Variants in ERC2 observed in about 807,000 individuals in gnomAD.
ERC2 encodes ERC protein 2.
A neutral mutation model predicts 114.8 loss-of-function variants in ERC2; 42 were observed. The observed-to-expected ratio is 0.37, with a 90% confidence interval of 0.29 to 0.47. The LOEUF is 0.47. ERC2 is among the 20% of genes least tolerant of loss of function. ERC2 has a pLI of 0.99. For synonymous variants in ERC2, 454 were observed against 425.5 expected, an observed-to-expected ratio of 1.07 and a Z score of -0.82; for missense variants, 939 against 1,150.7, an observed-to-expected ratio of 0.82 and a Z score of 2.66.
chr3:55,681,719 T>C (rs1347360341), intron 17 of ERC2, among the ~76,000 whole-genome samples: 1 of 152,226 alleles, frequency 6.6e-6, no homozygotes, highest in Non-Finnish European at 1.5e-5. Flanking sequence ...TAAAAACATT[T>C]ATTTTCTGGT....
chr3:55,883,927 A>ACACCACCAC (rs1553717308), intron 14 of ERC2, among the ~76,000 whole-genome samples: 1 of 144,666 alleles, frequency 6.9e-6, no homozygotes, highest in African/African-American at 2.7e-5. Context: ...AACAACAACA[A>ACACCACCAC]CACCACAAAA....
At chr3:56,211,766 G>A (rs780444406) in intron 3 of ERC2, among the ~76,000 whole-genome samples, 1 of 152,132 alleles carries the variant, frequency 6.6e-6, no homozygotes, top group Non-Finnish European at 1.5e-5. Flanking sequence ...ATAGACCAAT[G>A]GAACAGAATA....
chr3:55,917,562 C>T (rs963112021), intron 13 of ERC2, among the ~76,000 whole-genome samples: 2 of 151,894 alleles, frequency 1.3e-5, no homozygotes, highest in Admixed American at 1.3e-4. Context: ...TATATAATTC[C>T]ATTTATATGA....
At chr3:55,969,221 A>T (rs1436896746) in intron 12 of ERC2, among the ~76,000 whole-genome samples, 1 of 152,156 alleles carries the variant, frequency 6.6e-6, no homozygotes, top group East Asian at 1.9e-4. Flanking sequence ...AAATGGACTT[A>T]ATTCATTTTT....
At chr3:56,336,207 G>C (rs750605902) in intron 2 of ERC2, among the ~76,000 whole-genome samples, 2 of 152,122 alleles carry the variant, frequency 1.3e-5, no homozygotes, top group African/African-American at 4.8e-5. Context: ...GTGTGGCCCC[G>C]GGCAAGTTAC....
chr3:56,336,892 A>G (rs1047183597), intron 2 of ERC2, among the ~76,000 whole-genome samples: 2 of 152,212 alleles, frequency 1.3e-5, no homozygotes, highest in African/African-American at 4.8e-5. Context: ...TAAGAGTTCA[A>G]CTTTATCACT....
chr3:55,589,109 T>C (rs2057739371), intron 17 of ERC2, among the ~76,000 whole-genome samples: 1 of 150,554 alleles, frequency 6.6e-6, no homozygotes, highest in Non-Finnish European at 1.5e-5. Flanking sequence ...CTGGATGCAG[T>C]GGCTCACACC....
intron 2 of ERC2, among the ~76,000 whole-genome samples, chr3:56,340,373 G>A (rs889037800): frequency 6.6e-6 from 1 of 152,160 alleles, no homozygotes; most frequent in African/African-American, 2.4e-5. Flanking sequence ...TCCCACCAGT[G>A]ATAAAGCACT....
chr3:56,258,303 G>A (rs1396311705), intron 3 of ERC2, among the ~76,000 whole-genome samples: 1 of 152,174 alleles, frequency 6.6e-6, no homozygotes, highest in African/African-American at 2.4e-5. Flanking sequence ...CAGCTCTCTT[G>A]CTATAGCCTG....
intron 4 of ERC2, among the ~76,000 whole-genome samples, chr3:56,161,806 T>A (rs1489333062): frequency 1.3e-5 from 2 of 152,198 alleles, no homozygotes; most frequent in Non-Finnish European, 2.9e-5. Flanking sequence ...TAGGGTTTTC[T>A]AGGTATAGAA....
intron 14 of ERC2, among the ~76,000 whole-genome samples, chr3:55,874,293 T>A (rs1164952431): frequency 6.6e-6 from 1 of 152,098 alleles, no homozygotes; most frequent in African/African-American, 2.4e-5. Flanking sequence ...CGGGGAGGCT[T>A]TTCTTTGTAC....
At chr3:56,002,342 T>C (rs990453917) in intron 10 of ERC2, among the ~76,000 whole-genome samples, 1 of 152,180 alleles carries the variant, frequency 6.6e-6, no homozygotes. Flanking sequence ...TGATAAACTC[T>C]AGCCATCTTT....
At chr3:55,932,531 A>T (rs541901795) in intron 13 of ERC2, among the ~76,000 whole-genome samples, 1 of 152,238 alleles carries the variant, frequency 6.6e-6, no homozygotes, top group Admixed American at 6.5e-5. Flanking sequence ...CTTTACCTGA[A>T]ATGCACTGCC....
intron 13 of ERC2, among the ~76,000 whole-genome samples, chr3:55,893,450 A>G (rs576477236): frequency 6.6e-6 from 1 of 152,222 alleles, no homozygotes; most frequent in Non-Finnish European, 1.5e-5. Flanking sequence ...CCTCTTTCAC[A>G]TGTACCTAAC....
At chr3:55,812,167 A>C (rs2059743381) in intron 14 of ERC2, among the ~76,000 whole-genome samples, 1 of 152,208 alleles carries the variant, frequency 6.6e-6, no homozygotes, top group Non-Finnish European at 1.5e-5. Flanking sequence ...CTATTTCTTT[A>C]TCTGAAATCG....
chr3:56,017,656 C>G (rs2073398272), intron 8 of ERC2, among the ~76,000 whole-genome samples: 1 of 152,058 alleles, frequency 6.6e-6, no homozygotes, highest in South Asian at 2.1e-4. Context: ...CAGCAAGCTC[C>G]TACCTGGCCA....
intron 6 of ERC2, among the ~76,000 whole-genome samples, chr3:56,112,054 T>C (rs2149832117): frequency 6.6e-6 from 1 of 152,334 alleles, no homozygotes. Flanking sequence ...TAAAACTAAC[T>C]AAAAACATCT....
intron 4 of ERC2, among the ~76,000 whole-genome samples, chr3:56,151,732 A>G (rs2081422071): frequency 1.3e-5 from 2 of 152,200 alleles, no homozygotes; most frequent in African/African-American, 2.4e-5. Flanking sequence ...AAGGAGTACT[A>G]TGGAAGTCCA....
At chr3:55,877,139 C>A (rs970255068) in intron 14 of ERC2, among the ~76,000 whole-genome samples, 1 of 152,120 alleles carries the variant, frequency 6.6e-6, no homozygotes, top group Non-Finnish European at 1.5e-5. Context: ...GTATTTTGGG[C>A]CAGAAAATTC....
Sources: gnomAD v4.1 joint callset for allele counts (sites outside exome capture counted in the v4.1 genomes callset) on GRCh38, gnomAD v4.1.1 for gene constraint, MANE v1.5 for transcripts, NCBI Gene and HGNC (gene_info 2026-07-23, HGNC 2026-07-21) for gene names.